The following INTS1 variants were observed in gnomAD, a reference collection of about 807,000 sequenced individuals.
INTS1 encodes the protein integrator complex subunit 1.
A neutral mutation model predicts 241.6 loss-of-function variants in INTS1; 137 were observed. The observed-to-expected ratio is 0.57, with a 90% CI of 0.49 to 0.65. INTS1 has a LOEUF of 0.65. INTS1 is among the 30% of genes least tolerant of loss of function. INTS1 has a pLI of 0.00. For missense variants in INTS1, 3,073 were observed against 3,032.2 expected (o/e 1.01, Z -0.32); for synonymous variants, 1,692 against 1,337.8 (o/e 1.26, Z -5.78).
At chr7:1,477,722 C>G in intron 34 of INTS1, 31 bp downstream of exon 34, 2 of 1,607,618 alleles carry the variant, frequency 1.2e-6, no homozygotes, top group Non-Finnish European at 1.7e-6. Flanking sequence ...CCCGCCTGCC[C>G]ACCCTGGCCG....
rs527475721 is a variant in INTS1 at position 1,471,974 on chromosome 7, C to G, written c.6184+299G>C. 8.1e-3 allele frequency among the ~76,000 whole-genome samples: 1,230 copies of G among 152,342 alleles called. 9 individuals carry two copies. Among genetic ancestry groups the G allele is most frequent in the Non-Finnish European group, 0.013 (891 of 68,032 alleles). On this transcript the variant is annotated intron_variant, in intron 44 of 47. Coordinates refer to ENST00000404767, the MANE Select transcript of INTS1 (RefSeq NM_001080453.3). Reference sequence around the variant, plus strand: ...TGACAGCGGCCACCGGTACTGCCCACCCGCTGGTCTTGCCCACCCGCCTGA... The same window carrying G: ...TGACAGCGGCCACCGGTACTGCCCAGCCGCTGGTCTTGCCCACCCGCCTGA...
chr7:1,478,326 A>C (rs1007706442), intron 33 of INTS1, 40 bp downstream of exon 33: 1 of 1,604,492 alleles, frequency 6.2e-7, no homozygotes, highest in East Asian at 2.2e-5. Context: ...GGGTCTTCCC[A>C]GGGCCGCCGT....
intron 20 of INTS1, 94 bp from the exon 21 acceptor site, chr7:1,487,195 C>A (rs778820600): frequency 1.4e-4 from 212 of 1,506,508 alleles, no homozygotes; most frequent in Middle Eastern, 3.4e-4. Context: ...AAGGGCGACA[C>A]GCAGCAGCCA....
At position 1,499,488 on chromosome 7, in the gene INTS1, C is replaced by T. The variant is rs776574047; in HGVS notation, c.829G>A (p.Gly277Ser). ...LLQGEAGRVAGDLGAGSSPHP... is the reference protein window; with the variant it reads ...LLQGEAGRVASDLGAGSSPHP... ...TGTGTCTCACCTGCACCCAGGTCGC[C>T]CGCAACGCGGCCCGCCTCCCCCTGC... Residue 277 changes from glycine (G) to serine (S), a missense_variant, in exon 6 of 48, where the codon GGC becomes AGC. Physicochemically the swap from Gly to Ser is moderately conservative, Grantham distance 56. Coordinates refer to ENST00000404767, the MANE Select transcript of INTS1 (RefSeq NM_001080453.3). The T allele has an allele frequency of 6.2e-7, 1 of 1,602,240 alleles. No homozygotes were observed. Among genetic ancestry groups the T allele is most frequent in the Non-Finnish European group, 8.5e-7 (1 of 1,174,522 alleles).
In INTS1 at chr7:1,476,321, C is replaced by T; in HGVS notation, c.5286G>A (p.Leu1762=). Residue 1762 remains leucine, a synonymous_variant, in exon 38 of 48, where the codon CTG becomes CTA. Coordinates refer to ENST00000404767, the MANE Select transcript of INTS1 (RefSeq NM_001080453.3). ...CACAGCAGCAGCTGAGCAGCAGGGG[C>T]AGCCGGGCCTGGATGAGGCTGCAGG... is the stretch of plus-strand genomic sequence containing the variant. ...TAACSLIQAR[L]PLLLSCCCGD... is the part of the protein sequence containing the mutation. The T allele has an allele frequency of 6.3e-7, 1 of 1,587,684 alleles. No homozygotes were observed.
intron 16 of INTS1, among the ~76,000 whole-genome samples, chr7:1,491,993 T>G (rs780964199): frequency 6.6e-6 from 1 of 151,558 alleles, no homozygotes; most frequent in Admixed American, 6.6e-5. Flanking sequence ...GGGCCATGAG[T>G]GCGGGTGAGG....
chr7:1,496,951 C>G (rs1379568813), intron 11 of INTS1, among the ~76,000 whole-genome samples, 187 bp downstream of exon 11: 1 of 152,182 alleles, frequency 6.6e-6, no homozygotes, highest in Non-Finnish European at 1.5e-5. Flanking sequence ...CTCATAGGTC[C>G]TCACACAGGA....
At chr7:1,495,336 T>A in intron 13 of INTS1, 97 bp downstream of exon 13, 1 of 1,401,788 alleles carries the variant, frequency 7.1e-7, no homozygotes, top group Non-Finnish European at 9.6e-7. Flanking sequence ...TGGCTTGTCC[T>A]GGCTCAGTGG....
intron 29 of INTS1, 145 bp from the exon 30 acceptor site, chr7:1,480,586 C>T: frequency 1.1e-6 from 1 of 927,468 alleles, no homozygotes; most frequent in East Asian, 2.7e-5. Flanking sequence ...TCCCCAAGGA[C>T]CCCAGGTCTC....
intron 47 of INTS1, 58 bp downstream of exon 47, chr7:1,470,788 A>T: frequency 6.8e-7 from 1 of 1,473,174 alleles, no homozygotes; most frequent in Non-Finnish European, 9.2e-7. Flanking sequence ...CCCTCGGGGG[A>T]CGCACCTCCG....
Position 1,472,358 on chromosome 7 carries a change from C to T in INTS1, c.6099G>A (p.Leu2033=), listed in dbSNP as rs1352208084. The change falls in exon 44 of 48, where the codon CTG becomes CTA. Residue 2033 remains leucine (L), a synonymous_variant. Transcript: ENST00000404767. Reference sequence around the variant, plus strand: ...GAGGGGTGAACAGGGAGACGCTGACCAGGGGCAAGGAGCCGGCTGAGCTCT... The same window carrying T: ...GAGGGGTGAACAGGGAGACGCTGACTAGGGGCAAGGAGCCGGCTGAGCTCT... ...EEESSAGSLP[L]VSVSLFTPLT... The T allele has an allele frequency of 2.5e-6, 4 of 1,569,378 alleles. No individual in the cohort carries two copies. In the African/African-American group the frequency reaches 4.0e-5, roughly 16 times the overall value.
intron 35 of INTS1, 107 bp downstream of exon 35, chr7:1,477,443 T>C (rs960475414): frequency 7.3e-5 from 96 of 1,309,346 alleles, no homozygotes; most frequent in Non-Finnish European, 9.2e-5. Context: ...GCAGGGGGGG[T>C]GCTGGGGCCC....
rs774380135 is a variant in INTS1, at chr7:1,504,346, GC to G, written c.-66del. 2.0e-6 allele frequency: 1 copy of G among 497,992 alleles called. No individual in the cohort carries two copies. The highest frequency in any genetic ancestry group is 1.5e-5 in the South Asian group (1 of 64,908). 30.8% of individuals were successfully genotyped at this position (497,992 alleles called of 1,614,324 possible). ...ACCTCTGGCCCATCGCGACCGGAGC[GC>G]CGCCGCCGCCACCCGGCCACCCCGG... On this transcript the variant is annotated 5_prime_UTR_variant, in exon 1 of 48. Transcript: ENST00000404767.
At chr7:1,484,259 C>T in intron 24 of INTS1, 89 bp from the exon 25 acceptor site, 1 of 1,381,992 alleles carries the variant, frequency 7.2e-7, no homozygotes, top group East Asian at 2.4e-5. Flanking sequence ...CACGCTCTCA[C>T]TGGGATCTTA....
chr7:1,500,038 A>G lies in INTS1; in HGVS notation c.547-17T>C, dbSNP rs1370076747. On this transcript the variant is annotated splice_polypyrimidine_tract_variant and intron_variant, in intron 4 of 47. Coordinates refer to ENST00000404767, the MANE Select transcript of INTS1 (RefSeq NM_001080453.3). ...ACACAGAGCCTGCCAGGGAGGGCGC[A>G]TGTCACGTGGGAGCTTCGCTGGCCC... is the stretch of plus-strand genomic sequence containing the variant. 9 of 1,600,698 alleles carry G rather than the reference A, an allele frequency of 5.6e-6. No individual in the cohort carries two copies. The highest frequency in any genetic ancestry group is 6.8e-6 in the Non-Finnish European group (8 of 1,172,928).
rs1320724566 is a variant in INTS1 at position 1,478,835 on chromosome 7, G to C, written c.4380C>G (p.Leu1460=). ...TGTCCAGCCACTGCAGCATCTGCAG[G>C]AGCACCTTCAGGAAGAGCGAGGAGA... ...TGFSSLFLKV[L]LQMLQWLDSP... The change falls in exon 32 of 48, where the codon CTC becomes CTG. Residue 1460 remains leucine (L), a synonymous_variant. Transcript: ENST00000404767. 1 of 1,610,752 alleles carries C rather than the reference G, an allele frequency of 6.2e-7. No individual in the cohort carries two copies. The highest frequency in any genetic ancestry group is 1.1e-5 in the South Asian group (1 of 90,748).
In INTS1 at chr7:1,472,322, G is replaced by T. The variant is rs377115029; in HGVS notation, c.6135C>A (p.Ala2045=). ...GCCGTTTCATGTAGGGGGCCATCTC[G>T]GCCGCGGTCAGAGGGGTGAACAGGG... ...SVSLFTPLTA[A]EMAPYMKRLS... The change falls in exon 44 of 48, where the codon GCC becomes GCA. Residue 2045 remains alanine (A), a synonymous_variant. Transcript: ENST00000404767. The T allele has an allele frequency of 2.5e-6, 4 of 1,571,016 alleles. No individual in the cohort carries two copies. The South Asian group carries it at 4.7e-5, about 18-fold the overall frequency.
At chr7:1,500,999 A>G (rs1404403906) in intron 3 of INTS1, 1 of 152,206 alleles carries the variant, frequency 6.6e-6, no homozygotes, top group African/African-American at 2.4e-5. Flanking sequence ...AAATATCCAC[A>G]AACGGCCAGG....
At chr7:1,487,632 C>A in intron 19 of INTS1, 128 bp downstream of exon 19, 1 of 1,320,290 alleles carries the variant, frequency 7.6e-7, no homozygotes, top group East Asian at 2.4e-5. Flanking sequence ...GGACGGGGCT[C>A]CACAGGCCTT....
Sources: gnomAD v4.1 joint callset for allele counts (sites outside exome capture counted in the v4.1 genomes callset) on GRCh38, gnomAD v4.1.1 for gene constraint, MANE v1.5 for transcripts, NCBI Gene and HGNC (gene_info 2026-07-23, HGNC 2026-07-21) for gene names.